NAV3: variants seen among roughly 807,000 people sequenced by gnomAD.
NAV3 encodes pore membrane and/or filament interacting like protein 1.
Under a neutral mutation model 244.7 loss-of-function variants are expected in NAV3, and 87 were observed. The ratio of observed to expected loss-of-function variants is 0.36; its 90% CI spans 0.30 to 0.42. The LOEUF (loss-of-function observed/expected upper bound fraction) is 0.42, where lower values mean the gene tolerates loss of function less well. Among genes scored for constraint, NAV3 ranks in the 20% least tolerant of loss-of-function variants. NAV3 has a pLI of 1.00. For synonymous variants in NAV3, 1,126 were observed against 1,042.2 expected (o/e 1.08, Z -1.55); for missense variants, 2,663 against 2,893.3 (o/e 0.92, Z 1.83).
At chr12:77,785,516 CA>C (rs1211523719) in intron 2 of NAV3, among the ~76,000 whole-genome samples, 2 of 151,934 alleles carry the variant, frequency 1.3e-5, no homozygotes, top group East Asian at 1.9e-4. Flanking sequence ...AAGGGACAAA[CA>C]AAAAAGTAAC....
chr12:78,000,989 A>C (rs1873200034), intron 7 of NAV3, among the ~76,000 whole-genome samples: 1 of 151,710 alleles, frequency 6.6e-6, no homozygotes, highest in African/African-American at 2.4e-5. Flanking sequence ...AAAAAAAAAA[A>C]AAATTATAAG....
intron 12 of NAV3, among the ~76,000 whole-genome samples, chr12:78,076,689 TA>T (rs34018907): frequency 3.3e-5 from 5 of 151,914 alleles, no homozygotes; most frequent in Non-Finnish European, 7.4e-5. Context: ...GAGAGCTTTT[TA>T]AAAAAAACAC....
intron 2 of NAV3, among the ~76,000 whole-genome samples, chr12:77,808,075 C>T (rs1279963393): frequency 1.3e-5 from 2 of 152,140 alleles, no homozygotes; most frequent in African/African-American, 4.8e-5. Context: ...AGCAATTCTT[C>T]TAACCTTTTT....
intron 2 of NAV3, among the ~76,000 whole-genome samples, chr12:77,749,118 A>C (rs1040694896): frequency 2.6e-5 from 4 of 152,240 alleles, no homozygotes; most frequent in African/African-American, 9.6e-5. Context: ...GAAGTGAGAA[A>C]GATTCTCCCA....
intron 8 of NAV3, among the ~76,000 whole-genome samples, chr12:78,012,098 A>G (rs367687567): frequency 3.3e-5 from 5 of 152,138 alleles, no homozygotes; most frequent in East Asian, 1.9e-4. Flanking sequence ...GAGCCAAACC[A>G]TATAAGATAC....
At chr12:78,092,872 G>A (rs545241889) in intron 12 of NAV3, among the ~76,000 whole-genome samples, 1 of 152,128 alleles carries the variant, frequency 6.6e-6, no homozygotes, top group Admixed American at 6.5e-5. Flanking sequence ...GCTATCTTAG[G>A]TTAGGAAATA....
At chr12:77,819,213 T>C (rs1187589279) in intron 2 of NAV3, among the ~76,000 whole-genome samples, 1 of 152,004 alleles carries the variant, frequency 6.6e-6, no homozygotes, top group Non-Finnish European at 1.5e-5. Context: ...GGGAACGTTT[T>C]ATGAGAACAA....
intron 8 of NAV3, among the ~76,000 whole-genome samples, chr12:78,018,461 G>A (rs372137717): frequency 3.0e-4 from 46 of 152,254 alleles, no homozygotes; most frequent in African/African-American, 9.9e-4. Flanking sequence ...TACATTCCAA[G>A]TTTTCTTTTA....
rs149824342 is a variant in NAV3, at chr12:78,068,393, T to C, written c.2636+9278T>C. ...TTTTCCATTTTGACCTAAACATATCTATACTATAAATAGTTTTTTTAAAAT... is the reference window on the plus strand; with the variant it reads ...TTTTCCATTTTGACCTAAACATATCCATACTATAAATAGTTTTTTTAAAAT... On this transcript the variant is annotated intron_variant, in intron 12 of 39. Coordinates refer to ENST00000397909, the MANE Select transcript of NAV3 (RefSeq NM_001024383.2). 4.4e-3 allele frequency among the ~76,000 whole-genome samples: 658 copies of C among 151,178 alleles called. 4 individuals carry two copies. Among genetic ancestry groups the C allele is most frequent in the African/African-American group, 0.015 (614 of 41,424 alleles).
At chr12:77,579,878 T>A (rs553803059) in intron 2 of NAV3, among the ~76,000 whole-genome samples, 1 of 152,328 alleles carries the variant, frequency 6.6e-6, no homozygotes, top group East Asian at 1.9e-4. Context: ...TCAACTTCTG[T>A]CTTCCTCCAG....
intron 2 of NAV3, among the ~76,000 whole-genome samples, chr12:77,818,444 C>T (rs940916550): frequency 6.6e-6 from 1 of 152,036 alleles, no homozygotes; most frequent in Non-Finnish European, 1.5e-5. Flanking sequence ...AGAATCCATC[C>T]CATCACGTTA....
chr12:77,756,471 A>G (rs1869184297), intron 2 of NAV3, among the ~76,000 whole-genome samples: 1 of 152,140 alleles, frequency 6.6e-6, no homozygotes, highest in African/African-American at 2.4e-5. Flanking sequence ...GGTGCTTGGA[A>G]ATGTCTAGAT....
chr12:78,002,054 G>C (rs1225346939), intron 7 of NAV3, among the ~76,000 whole-genome samples: 1 of 152,094 alleles, frequency 6.6e-6, no homozygotes, highest in South Asian at 2.1e-4. Flanking sequence ...ACCATGCCAT[G>C]GTTCCTTTGG....
In NAV3 at chr12:77,734,661, T is replaced by A. The variant is rs552256610; in HGVS notation, c.72+162395T>A. Among the ~76,000 whole-genome samples the A allele has an allele frequency of 2.6e-5, 4 of 152,312 alleles. No homozygotes were observed. The South Asian group carries it at 8.3e-4, about 32-fold the overall frequency. On this transcript the variant is annotated intron_variant, in intron 2 of 8. Coordinates refer to the NAV3 transcript ENST00000550042. ...ATGTGCCTCATTTATTTATTTATTT[T>A]TTTAAACCTCCAAATGTGGAAGGGA...
intron 12 of NAV3, among the ~76,000 whole-genome samples, chr12:78,082,394 C>A (rs1953403079): frequency 6.6e-6 from 1 of 152,040 alleles, no homozygotes; most frequent in Non-Finnish European, 1.5e-5. Context: ...CAATTTATCA[C>A]CCGTTTTGAA....
intron 16 of NAV3, among the ~76,000 whole-genome samples, chr12:78,123,111 G>C (rs1955748297): frequency 6.6e-6 from 1 of 151,956 alleles, no homozygotes; most frequent in Non-Finnish European, 1.5e-5. Flanking sequence ...CATCCCTTTT[G>C]AGCAAAATCA....
chr12:77,600,512 A>G (rs1312328353), intron 2 of NAV3, among the ~76,000 whole-genome samples: 1 of 151,966 alleles, frequency 6.6e-6, no homozygotes, highest in African/African-American at 2.4e-5. Context: ...TGTTCTCACC[A>G]TGGGGAAAAG....
chr12:78,155,757 T>A (rs1565733451), intron 22 of NAV3, among the ~76,000 whole-genome samples: 2 of 152,022 alleles, frequency 1.3e-5, no homozygotes, highest in African/African-American at 4.8e-5. Flanking sequence ...CCCTTTTTTT[T>A]ATATGTTTGT....
intron 12 of NAV3, chr12:78,088,879 C>T (rs1953776335): frequency 6.6e-6 from 1 of 152,124 alleles, no homozygotes. Context: ...AAAACACTGA[C>T]ACATGTAAAC....
Sources: allele counts gnomAD v4.1 joint callset (sites outside exome capture counted in the v4.1 genomes callset), GRCh38; gene constraint gnomAD v4.1.1; transcripts MANE v1.5; gene names NCBI Gene and HGNC (gene_info 2026-07-23, HGNC 2026-07-21).